CAST: variants seen among roughly 807,000 people sequenced by gnomAD.
The protein encoded by CAST is MIR583 host.
CAST carries 76 observed loss-of-function variants against 119.6 expected under a neutral mutation model. That is an observed-to-expected ratio of 0.64 (90% CI 0.53 to 0.77). The LOEUF is 0.77. Ranked by LOEUF, CAST falls within the 30% of genes least tolerant of loss-of-function variation. The probability of loss-of-function intolerance (pLI) is 0.00; values close to 1 mark genes in which losing one functional copy is unlikely to be tolerated. For synonymous variants in CAST, 319 were observed against 331.6 expected (o/e 0.96, Z 0.41); for missense variants, 953 against 946.5 (o/e 1.01, Z -0.09).
the CAST span, among the ~76,000 whole-genome samples, chr5:96,410,029 C>A: frequency 6.6e-6 from 1 of 152,188 alleles, no homozygotes; most frequent in Non-Finnish European, 1.5e-5. Context: ...GATCTATATA[C>A]TTTAGCTAGT....
chr5:96,750,416 T>C (rs1764757280), intron 19 of CAST, among the ~76,000 whole-genome samples, 171 bp from the exon 20 acceptor site: 1 of 152,230 alleles, frequency 6.6e-6, no homozygotes, highest in African/African-American at 2.4e-5. Context: ...AAATGGCAGC[T>C]GAAGAGTTTT....
intron 1 of CAST, among the ~76,000 whole-genome samples, chr5:96,603,296 TA>T (rs1747190258): frequency 6.6e-6 from 1 of 152,250 alleles, no homozygotes; most frequent in South Asian, 2.1e-4. Flanking sequence ...TCTTTTGTAA[TA>T]ACATTTAGCT....
the CAST span, among the ~76,000 whole-genome samples, chr5:96,060,537 C>T: frequency 8.9e-3 from 1,354 of 152,174 alleles, 9 homozygotes; most frequent in Non-Finnish European, 0.013. Flanking sequence ...AACATCCACT[C>T]GGCCTCTTCG....
chr5:96,560,933 C>CTTG (rs1472090957), intron 1 of CAST, among the ~76,000 whole-genome samples: 1 of 152,158 alleles, frequency 6.6e-6, no homozygotes, highest in Non-Finnish European at 1.5e-5. Flanking sequence ...TTCACTACAG[C>CTTG]AAAGACTTGG....
chr5:96,502,783 G>C, the CAST span, among the ~76,000 whole-genome samples: 3 of 152,066 alleles, frequency 2.0e-5, no homozygotes, highest in Non-Finnish European at 2.9e-5. Context: ...AAGCATAAAA[G>C]ACTATGGAAA....
At chr5:96,603,938 T>C (rs938432657) in intron 1 of CAST, among the ~76,000 whole-genome samples, 1 of 151,904 alleles carries the variant, frequency 6.6e-6, no homozygotes, top group African/African-American at 2.4e-5. Flanking sequence ...TAATTTTATT[T>C]AGTTTTTGTA....
chr5:96,192,077 A>G, the CAST span, among the ~76,000 whole-genome samples: 1 of 152,192 alleles, frequency 6.6e-6, no homozygotes, highest in Non-Finnish European at 1.5e-5. Context: ...CTTTACGTAA[A>G]TTATAGATGA....
At chr5:96,359,005 T>A in the CAST span, among the ~76,000 whole-genome samples, 1 of 152,332 alleles carries the variant, frequency 6.6e-6, no homozygotes, top group East Asian at 1.9e-4. Context: ...ACTTGCTTTA[T>A]GAATCTGGGT....
At chr5:96,506,987 G>T in the CAST span, among the ~76,000 whole-genome samples, 629 of 152,296 alleles carry the variant, frequency 4.1e-3, 5 homozygotes, top group African/African-American at 0.014. Flanking sequence ...CCTCACTAAA[G>T]TGTGCAAACT....
the CAST span, among the ~76,000 whole-genome samples, chr5:96,282,395 C>T: frequency 6.6e-6 from 1 of 152,178 alleles, no homozygotes; most frequent in Non-Finnish European, 1.5e-5. Flanking sequence ...CATCTTTCCA[C>T]ATATGTCTAA....
chr5:96,027,223 A>G, the CAST span, among the ~76,000 whole-genome samples: 1 of 152,106 alleles, frequency 6.6e-6, no homozygotes, highest in African/African-American at 2.4e-5. Flanking sequence ...CTATGTCTTG[A>G]TATAATATGC....
At chr5:96,349,583 G>A in the CAST span, among the ~76,000 whole-genome samples, 1 of 152,044 alleles carries the variant, frequency 6.6e-6, no homozygotes, top group African/African-American at 2.4e-5. Flanking sequence ...AGATAAATTT[G>A]TATCTTTCAA....
intron 9 of CAST, among the ~76,000 whole-genome samples, chr5:96,735,832 GA>G (rs1432951244): frequency 6.6e-6 from 1 of 152,136 alleles, no homozygotes; most frequent in Admixed American, 6.6e-5. Flanking sequence ...GCAGCCTATA[GA>G]AAGAATTCAT....
At chr5:96,101,445 A>G in the CAST span, among the ~76,000 whole-genome samples, 1 of 152,192 alleles carries the variant, frequency 6.6e-6, no homozygotes, top group African/African-American at 2.4e-5. Context: ...TCATGAAACC[A>G]TTGCCTGCTT....
chr5:96,757,430 T>TCC lies in CAST; in HGVS notation c.1711-8_1711-7dup. Reference sequence around the variant, plus strand: ...TAAAATGATTTCATGCCATGTGTTTTCCCCCCCGGATAGGATAAAGATGGA... The same window carrying TCC: ...TAAAATGATTTCATGCCATGTGTTTTCCCCCCCCCGGATAGGATAAAGATGGA... On this transcript the variant is annotated splice_polypyrimidine_tract_variant and intron_variant, in intron 22 of 31. Coordinates refer to ENST00000675179, the MANE Select transcript of CAST (RefSeq NM_001750.7). The TCC allele has an allele frequency of 6.2e-7, 1 of 1,611,910 alleles. No homozygotes were observed.
the CAST span, among the ~76,000 whole-genome samples, chr5:96,371,099 G>A: frequency 9.9e-5 from 15 of 152,180 alleles, no homozygotes; most frequent in African/African-American, 3.1e-4. Context: ...AACAGCTGTT[G>A]ACCTGGACCA....
chr5:96,766,809 G>A (rs1045890684), intron 27 of CAST, among the ~76,000 whole-genome samples: 1 of 152,124 alleles, frequency 6.6e-6, no homozygotes, highest in African/African-American at 2.4e-5. Flanking sequence ...TAAGAAACAA[G>A]GAAGACCAAA....
At chr5:96,106,768 TG>T in the CAST span, among the ~76,000 whole-genome samples, 1 of 151,510 alleles carries the variant, frequency 6.6e-6, no homozygotes, top group African/African-American at 2.4e-5. Flanking sequence ...GTTCAATTTC[TG>T]GGTATCCTTG....
At chr5:96,763,715 T>C (rs557512768) in intron 25 of CAST, among the ~76,000 whole-genome samples, 1 of 152,176 alleles carries the variant, frequency 6.6e-6, no homozygotes, top group Non-Finnish European at 1.5e-5. Context: ...CACGGGAGCT[T>C]TCTTTGCTGT....
Sources: gnomAD v4.1 joint callset for allele counts (sites outside exome capture counted in the v4.1 genomes callset) on GRCh38, gnomAD v4.1.1 for gene constraint, MANE v1.5 for transcripts, NCBI Gene and HGNC (gene_info 2026-07-23, HGNC 2026-07-21) for gene names.